The following ADGRF3 variants were observed in gnomAD, a reference collection of about 807,000 sequenced individuals.
ADGRF3 encodes G protein-coupled receptor 113.
ADGRF3 carries 85 observed loss-of-function variants against 93.2 expected under a neutral mutation model. The observed-to-expected ratio is 0.91, with a 90% CI of 0.77 to 1.09. The LOEUF is 1.09. Among genes scored for constraint, ADGRF3 ranks in the 50% least tolerant of loss-of-function variants. The pLI is 0.00. For synonymous variants in ADGRF3, 534 were observed against 532.5 expected, an observed-to-expected ratio of 1.00 and a Z score of -0.04; for missense variants, 1,125 against 1,246.2, an observed-to-expected ratio of 0.90 and a Z score of 1.46.
At chr2:26,312,163 C>T in intron 9 of ADGRF3, 89 bp from the exon 10 acceptor site, 1 of 1,293,806 alleles carries the variant, frequency 7.7e-7, no homozygotes, top group Non-Finnish European at 1.1e-6. Context: ...CCCACACCTT[C>T]CCTTCCCAGT....
At chr2:26,319,569 T>TCCCTCCCTCCCTCCCTCCCTC (rs1558390867) in intron 1 of ADGRF3, among the ~76,000 whole-genome samples, 1 of 70,896 alleles carries the variant, frequency 1.4e-5, no homozygotes, top group African/African-American at 6.5e-5. Flanking sequence ...CTCCCTCCCT[T>TCCCTCCCTCCCTCCCTCCCTC]CCTTCCTTCC....
At chr2:26,329,031 C>T (rs942257569) in intron 1 of ADGRF3, among the ~76,000 whole-genome samples, 2 of 152,212 alleles carry the variant, frequency 1.3e-5, no homozygotes, top group African/African-American at 4.8e-5. Flanking sequence ...GGGATATTAT[C>T]ACGGATAATC....
chr2:26,336,339 T>TGTGTGTGTGTGA (rs1283652914), intron 1 of ADGRF3, among the ~76,000 whole-genome samples: 2 of 151,620 alleles, frequency 1.3e-5, no homozygotes, highest in Admixed American at 6.6e-5. Context: ...TGTGTGTGAG[T>TGTGTGTGTGTGA]GTGTGTTTGT....
intron 1 of ADGRF3, among the ~76,000 whole-genome samples, chr2:26,339,154 A>G (rs1676230653): frequency 6.6e-6 from 1 of 150,682 alleles, no homozygotes. Context: ...CAAAGAAAAG[A>G]AAGAAAATGA....
chr2:26,338,889 G>A (rs1215230255), intron 1 of ADGRF3, among the ~76,000 whole-genome samples: 2 of 152,022 alleles, frequency 1.3e-5, no homozygotes, highest in African/African-American at 4.8e-5. Flanking sequence ...TGTAATCCCA[G>A]CACTTTGGGA....
At chr2:26,334,487 C>T (rs1210868358) in intron 1 of ADGRF3, among the ~76,000 whole-genome samples, 4 of 152,148 alleles carry the variant, frequency 2.6e-5, no homozygotes, top group African/African-American at 4.8e-5. Flanking sequence ...CTCCTGATTA[C>T]TTTCTCCTGA....
intron 9 of ADGRF3, among the ~76,000 whole-genome samples, 167 bp downstream of exon 9, chr2:26,312,776 G>C (rs1674296126): frequency 6.6e-6 from 1 of 152,200 alleles, no homozygotes; most frequent in African/African-American, 2.4e-5. Context: ...CAGCCTCAGA[G>C]AGTGGTGTCT....
intron 1 of ADGRF3, chr2:26,318,828 T>G (rs894059313): frequency 9.2e-6 from 13 of 1,408,182 alleles, no homozygotes; most frequent in African/African-American, 1.4e-5. Context: ...GCATCCACTT[T>G]CCTTACACAT....
intron 4 of ADGRF3, 150 bp from the exon 5 acceptor site, chr2:26,315,890 C>T: frequency 8.4e-7 from 1 of 1,187,780 alleles, no homozygotes; most frequent in Non-Finnish European, 1.2e-6. Context: ...CCTGGGTGGG[C>T]ACCTGAATGT....
chr2:26,313,220 C>T, intron 8 of ADGRF3, 98 bp from the exon 9 acceptor site: 10 of 1,487,852 alleles, frequency 6.7e-6, no homozygotes, highest in Non-Finnish European at 9.2e-6. Flanking sequence ...CCCAGAAGCC[C>T]TCTCACTCCT....
chr2:26,346,466 C>T lies in ADGRF3; in HGVS notation c.-232G>A. On this transcript the variant is annotated 5_prime_UTR_variant, in exon 1 of 14. Transcript: ENST00000651242. ...TGGGGGTCGGGGAGCGTGGGAGCATCCTAAGCCCGCCGCCCGTAGTCGGCA... is the reference window on the plus strand; with the variant it reads ...TGGGGGTCGGGGAGCGTGGGAGCATTCTAAGCCCGCCGCCCGTAGTCGGCA... 1 of 681,430 alleles carries T rather than the reference C, an allele frequency of 1.5e-6. No individual in the cohort carries two copies. The highest frequency in any genetic ancestry group is 2.4e-5 in the South Asian group (1 of 42,160). 42.2% of individuals were successfully genotyped at this position (681,430 alleles called of 1,614,324 possible).
At chr2:26,341,355 G>C (rs987434391) in intron 1 of ADGRF3, among the ~76,000 whole-genome samples, 2 of 150,302 alleles carry the variant, frequency 1.3e-5, no homozygotes, top group Non-Finnish European at 1.5e-5. Flanking sequence ...TCCAGCCTGG[G>C]CAACAGAATG....
At position 26,319,577 on chromosome 2, in the gene ADGRF3, T is replaced by TCTTTCTCTCCCTCCCTCCCTC. The variant is rs1558390930; in HGVS notation, c.115-2016_115-2015insGAGGGAGGGAGGGAGAGAAAG. ...TCCCTCCCTCCCTCCCTTCCTTCCT[T>TCTTTCTCTCCCTCCCTCCCTC]CCTTCCTTCCTTCCTTCCTTCCTTC... is the stretch of plus-strand genomic sequence containing the variant. On this transcript the variant is annotated intron_variant, in intron 1 of 13. Coordinates refer to ENST00000651242, the MANE Select transcript of ADGRF3 (RefSeq NM_001321971.2). Among the ~76,000 whole-genome samples the TCTTTCTCTCCCTCCCTCCCTC allele has an allele frequency of 9.2e-4, 43 of 46,622 alleles. 2 individuals carry two copies. The highest frequency in any genetic ancestry group is 2.1e-3 in the South Asian group (2 of 936). 30.6% of individuals were successfully genotyped at this position (46,622 alleles called of 152,430 possible). A position where few individuals can be genotyped will look rare whatever the true frequency, so the allele number is the denominator to read the frequency against.
intron 11 of ADGRF3, 27 bp from the exon 12 acceptor site, chr2:26,310,132 A>G: frequency 6.2e-7 from 1 of 1,614,062 alleles, no homozygotes; most frequent in Non-Finnish European, 8.5e-7. Context: ...TGCTCTGCTT[A>G]TGCCAGCCAC....
At chr2:26,330,764 A>G (rs1233232182) in intron 1 of ADGRF3, among the ~76,000 whole-genome samples, 1 of 152,156 alleles carries the variant, frequency 6.6e-6, no homozygotes, top group Non-Finnish European at 1.5e-5. Flanking sequence ...GCAATTGCCC[A>G]TTTCTGGATT....
At chr2:26,314,688 CT>C in intron 5 of ADGRF3, 65 bp from the exon 6 acceptor site, 1 of 1,426,432 alleles carries the variant, frequency 7.0e-7, no homozygotes, top group Non-Finnish European at 9.7e-7. Context: ...AGAATCTCTG[CT>C]GCTTTCCAAG....
rs1253719792 is a variant in ADGRF3 at position 26,316,401 on chromosome 2, C to T, written c.373G>A (p.Gly125Ser). 1 of 1,551,728 alleles carries T rather than the reference C, an allele frequency of 6.4e-7. No homozygotes were observed. The highest frequency in any genetic ancestry group is 2.0e-5 in the Admixed American group (1 of 50,984). Residue 125 changes from glycine to serine, a missense_variant, in exon 4 of 14, where the codon GGC (glycine) becomes AGC (serine). Gly to Ser is a moderately conservative substitution (Grantham distance 56). Transcript: ENST00000651242. ...KGNFYCACLS[G>S]YQWNTSICLH... ...CAGATGCTGGTGTTCCACTGGTAGC[C>T]AGAGAGGCAAGCACAATAGAAATTC... is the stretch of plus-strand genomic sequence containing the variant.
chr2:26,317,649 A>T (rs1674820166), intron 1 of ADGRF3, 87 bp from the exon 2 acceptor site: 4 of 1,167,630 alleles, frequency 3.4e-6, no homozygotes, highest in Non-Finnish European at 3.7e-6. Flanking sequence ...AGCATGACTC[A>T]GTCTCAACCA....
intron 1 of ADGRF3, among the ~76,000 whole-genome samples, chr2:26,329,382 C>T (rs1277582854): frequency 3.3e-5 from 5 of 152,204 alleles, no homozygotes; most frequent in African/African-American, 1.2e-4. Flanking sequence ...ATCCTCCTGC[C>T]TTGGTCTCCC....
Sources: gnomAD v4.1 joint callset for allele counts (sites outside exome capture counted in the v4.1 genomes callset) on GRCh38, gnomAD v4.1.1 for gene constraint, MANE v1.5 for transcripts, NCBI Gene and HGNC (gene_info 2026-07-23, HGNC 2026-07-21) for gene names.